The following PPP1R16B variants were observed in gnomAD, a reference collection of about 807,000 sequenced individuals.
PPP1R16B encodes protein phosphatase 1 regulatory subunit 16B.
A neutral mutation model predicts 61.7 loss-of-function variants in PPP1R16B; 14 were observed. The ratio of observed to expected loss-of-function variants is 0.23; its 90% CI spans 0.15 to 0.35. The LOEUF is 0.35. Ranked by LOEUF, PPP1R16B falls within the 10% of genes least tolerant of loss-of-function variation. The pLI, the probability that PPP1R16B is intolerant of heterozygous loss-of-function variation, is 1.00. For synonymous variants in PPP1R16B, 266 were observed against 305.3 expected (o/e 0.87, Z 1.34); for missense variants, 547 against 752.5 (o/e 0.73, Z 3.19).
chr20:38,819,296 C>T (rs1473048372), intron 1 of PPP1R16B, among the ~76,000 whole-genome samples: 2 of 152,040 alleles, frequency 1.3e-5, no homozygotes, highest in African/African-American at 4.8e-5. Flanking sequence ...GTAGCTAAAA[C>T]ACATAGCTTA....
intron 1 of PPP1R16B, among the ~76,000 whole-genome samples, chr20:38,834,183 A>AT (rs1465567871): frequency 2.0e-5 from 3 of 151,954 alleles, no homozygotes; most frequent in African/African-American, 7.3e-5. Flanking sequence ...AAATTATTTT[A>AT]TTTTTTTGTA....
intron 3 of PPP1R16B, among the ~76,000 whole-genome samples, chr20:38,890,164 G>A (rs1237073500): frequency 6.6e-6 from 1 of 152,232 alleles, no homozygotes; most frequent in Non-Finnish European, 1.5e-5. Context: ...TTCTCTGGCT[G>A]TCACCTTTCA....
At chr20:38,889,714 A>T in intron 3 of PPP1R16B, 49 bp downstream of exon 3, 1 of 1,504,994 alleles carries the variant, frequency 6.6e-7, no homozygotes, top group Non-Finnish European at 9.3e-7. Context: ...CCTCACCTGG[A>T]CAGGTACCCT....
At chr20:38,857,939 G>A (rs1051747469) in intron 2 of PPP1R16B, among the ~76,000 whole-genome samples, 30 of 152,022 alleles carry the variant, frequency 2.0e-4, no homozygotes, top group African/African-American at 6.0e-4. Flanking sequence ...ACTGGGTGGC[G>A]TAAACGATAG....
At chr20:38,877,808 T>C (rs2085178153) in intron 2 of PPP1R16B, among the ~76,000 whole-genome samples, 1 of 152,206 alleles carries the variant, frequency 6.6e-6, no homozygotes, top group African/African-American at 2.4e-5. Flanking sequence ...CCTTATTTGC[T>C]CAGAATTCCA....
At chr20:38,909,492 G>A (rs2085472194) in intron 10 of PPP1R16B, among the ~76,000 whole-genome samples, 1 of 152,234 alleles carries the variant, frequency 6.6e-6, no homozygotes. Flanking sequence ...ACTCAGCATG[G>A]CTGCTTTCTT....
chr20:38,914,725 A>G (rs1009436695), intron 10 of PPP1R16B, among the ~76,000 whole-genome samples: 4 of 152,136 alleles, frequency 2.6e-5, no homozygotes, highest in African/African-American at 9.7e-5. Flanking sequence ...TTAGACTGCA[A>G]TGGTACAAAC....
intron 2 of PPP1R16B, among the ~76,000 whole-genome samples, chr20:38,870,644 C>T (rs2085122407): frequency 6.6e-6 from 1 of 152,072 alleles, no homozygotes; most frequent in Admixed American, 6.6e-5. Context: ...AGGTGTGAAA[C>T]AGTGGGAAGG....
chr20:38,851,815 G>A (rs968802097), intron 2 of PPP1R16B, among the ~76,000 whole-genome samples: 9 of 152,212 alleles, frequency 5.9e-5, no homozygotes, highest in Non-Finnish European at 1.0e-4. Flanking sequence ...GAGACCAAGA[G>A]TTTGAAACCA....
At chr20:38,840,207 G>A (rs1273758353) in intron 2 of PPP1R16B, among the ~76,000 whole-genome samples, 1 of 152,212 alleles carries the variant, frequency 6.6e-6, no homozygotes, top group Admixed American at 6.5e-5. Context: ...CTTCTTGCTG[G>A]TGGAGCTGGT....
chr20:38,891,507 T>C (rs964709873), intron 3 of PPP1R16B, among the ~76,000 whole-genome samples: 1 of 152,288 alleles, frequency 6.6e-6, no homozygotes, highest in South Asian at 2.1e-4. Context: ...TCAGAAATAT[T>C]ATCATCCCCA....
At chr20:38,864,969 G>T (rs1443301532) in intron 2 of PPP1R16B, among the ~76,000 whole-genome samples, 1 of 152,208 alleles carries the variant, frequency 6.6e-6, no homozygotes, top group African/African-American at 2.4e-5. Flanking sequence ...CCATTAAATG[G>T]GCTGGGTTGG....
At chr20:38,808,142 T>C (rs1435598997) in intron 1 of PPP1R16B, among the ~76,000 whole-genome samples, 1 of 152,212 alleles carries the variant, frequency 6.6e-6, no homozygotes, top group Admixed American at 6.5e-5. Context: ...ACTAGGCCTA[T>C]GTGTGATGGC....
intron 2 of PPP1R16B, among the ~76,000 whole-genome samples, chr20:38,853,186 G>T (rs1568662586): frequency 6.6e-6 from 1 of 152,152 alleles, no homozygotes; most frequent in Non-Finnish European, 1.5e-5. Context: ...CGCCAAAGCT[G>T]GAGCATCACA....
chr20:38,817,827 G>A (rs1481443415), intron 1 of PPP1R16B, among the ~76,000 whole-genome samples: 3 of 152,060 alleles, frequency 2.0e-5, no homozygotes, highest in African/African-American at 7.2e-5. Context: ...GGCGGATCAC[G>A]AGGTCAGGAG....
At chr20:38,902,636 G>C (rs776842873) in intron 5 of PPP1R16B, 32 bp from the exon 6 acceptor site, 27 of 1,613,692 alleles carry the variant, frequency 1.7e-5, no homozygotes, top group Non-Finnish European at 2.2e-5. Flanking sequence ...AGGCCTGAGG[G>C]TGCTAAATAA....
At chr20:38,839,261 G>T (rs1284615826) in intron 2 of PPP1R16B, among the ~76,000 whole-genome samples, 1 of 152,156 alleles carries the variant, frequency 6.6e-6, no homozygotes, top group Admixed American at 6.6e-5. Context: ...TTGAAAGCTT[G>T]CCCTCAAGAG....
intron 3 of PPP1R16B, among the ~76,000 whole-genome samples, chr20:38,893,127 A>C (rs943362909): frequency 6.6e-6 from 1 of 152,194 alleles, no homozygotes; most frequent in African/African-American, 2.4e-5. Flanking sequence ...CTTGTTTTGA[A>C]GATTAAATGA....
chr20:38,902,804 G>A lies in PPP1R16B; in HGVS notation c.696+12G>A, dbSNP rs752022640. On this transcript the variant is annotated intron_variant, in intron 6 of 10. Coordinates refer to ENST00000299824, the MANE Select transcript of PPP1R16B (RefSeq NM_015568.4). ...AGGGTGCCACACTGGTGAGGAGATG[G>A]GCCAGTACCAAAACCAAGACCAGCT... 40 of 1,613,964 alleles carry A rather than the reference G, an allele frequency of 2.5e-5. No individual in the cohort carries two copies. The highest frequency in any genetic ancestry group is 8.3e-5 in the Admixed American group (5 of 60,002).
Sources: gnomAD v4.1 joint callset for allele counts (sites outside exome capture counted in the v4.1 genomes callset) on GRCh38, gnomAD v4.1.1 for gene constraint, MANE v1.5 for transcripts, NCBI Gene and HGNC (gene_info 2026-07-23, HGNC 2026-07-21) for gene names.